The following AMMECR1L variants were observed in gnomAD, a reference collection of about 807,000 sequenced individuals.
AMMECR1L encodes the protein AMMECR1-like protein.
In AMMECR1L, 4 loss-of-function variants were observed where a neutral mutation model predicts 36.8. The observed-to-expected ratio is 0.11, with a 90% CI of 0.05 to 0.25. AMMECR1L has a LOEUF of 0.25. Among genes scored for constraint, AMMECR1L ranks in the 10% least tolerant of loss-of-function variants. The pLI, the probability that AMMECR1L is intolerant of heterozygous loss-of-function variation, is 1.00. For missense variants in AMMECR1L, 232 were observed against 392.1 expected, an observed-to-expected ratio of 0.59 and a Z score of 3.45; for synonymous variants, 147 against 148.0, an observed-to-expected ratio of 0.99 and a Z score of 0.05.
chr2:127,876,349 CAA>C (rs11332960), intron 2 of AMMECR1L, among the ~76,000 whole-genome samples: 9,161 of 111,060 alleles, frequency 0.082, 837 homozygotes, highest in African/African-American at 0.24. Context: ...GGCCCTGTCT[CAA>C]AAAAAAAAAA....
rs1690484002 is a variant in AMMECR1L, at chr2:127,861,896, C to T, written c.*3198G>A. ...GTAGATGTCAACACATCATGGAAAA[C>T]AGATCTTGTGCAAAATATTAACACC... On this transcript the variant is annotated 3_prime_UTR_variant, in exon 8 of 8. Coordinates refer to ENST00000272647, the MANE Select transcript of AMMECR1L (RefSeq NM_001199140.2). The T allele has an allele frequency of 6.6e-6, 1 of 152,610 alleles. No homozygotes were observed. Among genetic ancestry groups the T allele is most frequent in the African/African-American group, 2.4e-5 (1 of 41,436 alleles). 9.5% of individuals were successfully genotyped at this position (152,610 alleles called of 1,614,324 possible).
At chr2:127,875,355 T>C (rs371860771) in intron 2 of AMMECR1L, among the ~76,000 whole-genome samples, 1 of 152,020 alleles carries the variant, frequency 6.6e-6, no homozygotes, top group Non-Finnish European at 1.5e-5. Context: ...TTGTATGTTA[T>C]TGTTTTGGCT....
rs1264679448 is a variant in AMMECR1L, at chr2:127,873,429, G to A, written c.407+399C>T. The A allele has an allele frequency of 7.1e-6, 7 of 985,342 alleles. No individual in the cohort carries two copies. The highest frequency in any genetic ancestry group is 7.0e-5 in the African/African-American group (4 of 57,252). The allele number at this position is 985,342 out of a possible 1,614,324, so 61.0% of individuals were successfully genotyped here. A position where few individuals can be genotyped will look rare whatever the true frequency, so the allele number is the denominator to read the frequency against. On this transcript the variant is annotated intron_variant, in intron 3 of 7. Transcript: ENST00000272647. The surrounding 1 kb of genome is among the most constrained non-coding windows in gnomAD (Gnocchi z 5.2). ...AAATCGCAGATCCCAGTGAATGAGAGCTCCTAGTCTCCAGCCTGGCCCTCA... is the reference window on the plus strand; with the variant it reads ...AAATCGCAGATCCCAGTGAATGAGAACTCCTAGTCTCCAGCCTGGCCCTCA...
At chr2:127,882,583 T>A (rs960685144) in intron 2 of AMMECR1L, among the ~76,000 whole-genome samples, 1 of 152,190 alleles carries the variant, frequency 6.6e-6, no homozygotes, top group Non-Finnish European at 1.5e-5. Context: ...ATCACAGATA[T>A]ACCTATACAA....
chr2:127,880,588 C>A (rs763731525), intron 2 of AMMECR1L, among the ~76,000 whole-genome samples: 1 of 152,048 alleles, frequency 6.6e-6, no homozygotes, highest in South Asian at 2.1e-4. Context: ...GGGCCTGCAA[C>A]AAGGGCCACT....
At chr2:127,883,025 G>GCA (rs919723931) in intron 2 of AMMECR1L, among the ~76,000 whole-genome samples, 6 of 151,082 alleles carry the variant, frequency 4.0e-5, no homozygotes, top group African/African-American at 1.5e-4. Context: ...GGCTACAGAT[G>GCA]CACGCCACCA....
At chr2:127,883,323 T>C (rs1232095880) in intron 2 of AMMECR1L, among the ~76,000 whole-genome samples, 1 of 152,084 alleles carries the variant, frequency 6.6e-6, no homozygotes, top group Non-Finnish European at 1.5e-5. Flanking sequence ...TCTTGATCTC[T>C]TGACCTCGTT....
intron 2 of AMMECR1L, among the ~76,000 whole-genome samples, chr2:127,879,171 T>C (rs1304302531): frequency 1.3e-5 from 2 of 152,218 alleles, no homozygotes; most frequent in African/African-American, 2.4e-5. Flanking sequence ...GTTTGCGTGT[T>C]TGTCGCCACC....
intron 1 of AMMECR1L, chr2:127,885,332 G>A (rs1691714422): frequency 1.0e-6 from 1 of 984,612 alleles, no homozygotes; most frequent in Non-Finnish European, 1.2e-6. Context: ...GGGCGCTGGG[G>A]AGTTGGGGAG....
intron 3 of AMMECR1L, among the ~76,000 whole-genome samples, chr2:127,872,615 C>T (rs917749601): frequency 1.3e-5 from 2 of 152,120 alleles, no homozygotes. Flanking sequence ...GCCATCTTTT[C>T]CTCCCAATAA....
In AMMECR1L at chr2:127,869,422, C is replaced by T; in HGVS notation, c.724+32G>A. On this transcript the variant is annotated intron_variant, in intron 6 of 7. Coordinates refer to ENST00000272647, the MANE Select transcript of AMMECR1L (RefSeq NM_001199140.2). The surrounding 1 kb of genome is among the most constrained non-coding windows in gnomAD (Gnocchi z 4.7). ...TTAACTGGCACCACTGTGAATGATA[C>T]TTGTCATTAAAATCCCATTCATCCA... 1 of 1,572,230 alleles carries T rather than the reference C, an allele frequency of 6.4e-7. No individual in the cohort carries two copies. The highest frequency in any genetic ancestry group is 8.8e-7 in the Non-Finnish European group (1 of 1,141,780).
At position 127,873,796 on chromosome 2, in the gene AMMECR1L, T is replaced by TC. The variant is rs780164360; in HGVS notation, c.407+31dup. On this transcript the variant is annotated intron_variant, in intron 3 of 7. Transcript: ENST00000272647. This position sits in a 1 kb window ranked among gnomAD's most constrained non-coding sequence, Gnocchi z 5.2. ...ACCCCAGAAAGATGTCACCATGCCT[T>TC]CCTCAGTGCCCCCAGCACATGATTT... The TC allele has an allele frequency of 3.1e-6, 5 of 1,612,936 alleles. No homozygotes were observed. The South Asian group carries it at 4.4e-5, about 14-fold the overall frequency.
rs1690839757 is a variant in AMMECR1L at position 127,869,111 on chromosome 2, C to T, written c.724+343G>A. 6.6e-6 allele frequency among the ~76,000 whole-genome samples: 1 copy of T among 152,122 alleles called. No individual in the cohort carries two copies. The highest frequency in any genetic ancestry group is 1.5e-5 in the Non-Finnish European group (1 of 68,028). ...GTTTAATGATTTGTGATCCAAAGTT[C>T]GGTACCTACTGAATTCTACAATATG... On this transcript the variant is annotated intron_variant, in intron 6 of 7. Coordinates refer to ENST00000272647, the MANE Select transcript of AMMECR1L (RefSeq NM_001199140.2). The surrounding 1 kb of genome is among the most constrained non-coding windows in gnomAD (Gnocchi z 4.7).
chr2:127,872,532 A>G (rs1691029689), intron 3 of AMMECR1L, among the ~76,000 whole-genome samples: 1 of 152,144 alleles, frequency 6.6e-6, no homozygotes, highest in African/African-American at 2.4e-5. Flanking sequence ...TCATTTCTAG[A>G]GGCAACTTAA....
chr2:127,879,014 C>T (rs72838412), intron 2 of AMMECR1L, among the ~76,000 whole-genome samples: 243 of 152,296 alleles, frequency 1.6e-3, no homozygotes, highest in Admixed American at 3.2e-3. Context: ...AATTTCCAAC[C>T]TATGGCCAAT....
At position 127,869,430 on chromosome 2, in the gene AMMECR1L, T is replaced by TA; in HGVS notation, c.724+23dup. The TA allele has an allele frequency of 6.3e-7, 1 of 1,588,844 alleles. No individual in the cohort carries two copies. ...CACCACTGTGAATGATACTTGTCAT[T>TA]AAAATCCCATTCATCCAACTCACCT... On this transcript the variant is annotated intron_variant, in intron 6 of 7. Coordinates refer to ENST00000272647, the MANE Select transcript of AMMECR1L (RefSeq NM_001199140.2). The surrounding 1 kb of genome is among the most constrained non-coding windows in gnomAD (Gnocchi z 4.7).
At chr2:127,879,297 C>G (rs968114757) in intron 2 of AMMECR1L, among the ~76,000 whole-genome samples, 2 of 152,190 alleles carry the variant, frequency 1.3e-5, no homozygotes, top group African/African-American at 4.8e-5. Flanking sequence ...TGGTGCTGCA[C>G]TCCTGATAGT....
Position 127,873,295 on chromosome 2 carries a change from T to G in AMMECR1L, c.407+533A>C, listed in dbSNP as rs1691074388. 1 of 985,362 alleles carries G rather than the reference T, an allele frequency of 1.0e-6. No homozygotes were observed. The highest frequency in any genetic ancestry group is 1.1e-4 in the East Asian group (1 of 8,834). The allele number at this position is 985,362 out of a possible 1,614,324, so 61.0% of individuals were successfully genotyped here. A position where few individuals can be genotyped will look rare whatever the true frequency, so the allele number is the denominator to read the frequency against. ...GGCTTGGGACAAGCAACAAAGAATC[T>G]TGAACTAAAAATACTGAAGCAGATT... On this transcript the variant is annotated intron_variant, in intron 3 of 7. Transcript: ENST00000272647. This position sits in a 1 kb window ranked among gnomAD's most constrained non-coding sequence, Gnocchi z 5.2.
Position 127,871,511 on chromosome 2 carries a change from G to T in AMMECR1L, c.408-152C>A. 1.4e-6 allele frequency: 1 copy of T among 739,974 alleles called. No individual in the cohort carries two copies. The highest frequency in any genetic ancestry group is 2.2e-6 in the Non-Finnish European group (1 of 454,244). 45.8% of individuals were successfully genotyped at this position (739,974 alleles called of 1,614,324 possible). On this transcript the variant is annotated intron_variant, in intron 3 of 7. Transcript: ENST00000272647. This position sits in a 1 kb window ranked among gnomAD's most constrained non-coding sequence, Gnocchi z 4.3. ...TACCCGAAGGACTCTCTGCCTTTCT[G>T]AAAACGGCACAGCCCCTGGCTGGAA... is the stretch of plus-strand genomic sequence containing the variant.
Sources: allele counts gnomAD v4.1 joint callset (sites outside exome capture counted in the v4.1 genomes callset), GRCh38; gene constraint gnomAD v4.1.1; non-coding constraint Gnocchi (gnomAD v3.1); transcripts MANE v1.5; gene names NCBI Gene and HGNC (gene_info 2026-07-23, HGNC 2026-07-21).